The following STX18 variants were observed in gnomAD, a reference collection of about 807,000 sequenced individuals.
STX18 encodes syntaxin-18.
In STX18, 40 loss-of-function variants were observed where a neutral mutation model predicts 50.1. That is an observed-to-expected ratio of 0.80 (90% CI 0.62 to 1.04). STX18 has a LOEUF of 1.04. Among genes scored for constraint, STX18 ranks in the 50% least tolerant of loss-of-function variants. The pLI is 0.00. For synonymous variants in STX18, 158 were observed against 151.8 expected, an observed-to-expected ratio of 1.04 and a Z score of -0.30; for missense variants, 410 against 415.8, an observed-to-expected ratio of 0.99 and a Z score of 0.12.
At chr4:4,445,819 C>T (rs1264043799) in intron 5 of STX18, among the ~76,000 whole-genome samples, 1 of 152,032 alleles carries the variant, frequency 6.6e-6, no homozygotes. Context: ...TCTGAAGAAA[C>T]CGAAAAGCTG....
At chr4:4,439,073 C>T (rs573195162) in intron 5 of STX18, among the ~76,000 whole-genome samples, 15 of 149,696 alleles carry the variant, frequency 1.0e-4, no homozygotes, top group Admixed American at 4.6e-4. Context: ...TATACCCACA[C>T]ACATATATAC....
At chr4:4,458,545 G>T (rs1227374324) in intron 3 of STX18, among the ~76,000 whole-genome samples, 1 of 152,156 alleles carries the variant, frequency 6.6e-6, no homozygotes, top group Admixed American at 6.5e-5. Flanking sequence ...TGGCAGCTTT[G>T]AACTCTACTT....
At chr4:4,477,220 T>G (rs776344244) in intron 1 of STX18, among the ~76,000 whole-genome samples, 13 of 152,106 alleles carry the variant, frequency 8.5e-5, no homozygotes, top group Non-Finnish European at 1.6e-4. Context: ...TCCAGCCTGG[T>G]GACAGAGCGA....
intron 6 of STX18, among the ~76,000 whole-genome samples, chr4:4,435,882 G>A (rs1725749080): frequency 6.6e-6 from 1 of 152,190 alleles, no homozygotes; most frequent in Non-Finnish European, 1.5e-5. Flanking sequence ...ACGGTAAGAG[G>A]TCTGTGCAGT....
chr4:4,436,448 T>C (rs749180128), intron 6 of STX18, among the ~76,000 whole-genome samples: 9 of 151,686 alleles, frequency 5.9e-5, no homozygotes, highest in Non-Finnish European at 7.4e-5. Flanking sequence ...GTCCTCATTA[T>C]GGTATCCATT....
At chr4:4,438,586 G>T in intron 5 of STX18, 77 bp from the exon 6 acceptor site, 1 of 1,198,896 alleles carries the variant, frequency 8.3e-7, no homozygotes, top group South Asian at 1.3e-5. Context: ...GGAGTCACAT[G>T]TGACCCTGCG....
At chr4:4,486,323 T>C (rs1315409871) in intron 1 of STX18, among the ~76,000 whole-genome samples, 3 of 152,162 alleles carry the variant, frequency 2.0e-5, no homozygotes, top group Non-Finnish European at 2.9e-5. Context: ...CTGCAGAACT[T>C]TGGAAAGTCT....
chr4:4,448,655 TTGTC>T (rs1726569442), intron 5 of STX18, among the ~76,000 whole-genome samples: 1 of 152,188 alleles, frequency 6.6e-6, no homozygotes, highest in African/African-American at 2.4e-5. Flanking sequence ...TTTATCCTCT[TTGTC>T]TAAGTTTTCT....
At chr4:4,500,068 G>C (rs1729366689) in intron 1 of STX18, among the ~76,000 whole-genome samples, 2 of 151,398 alleles carry the variant, frequency 1.3e-5, no homozygotes, top group South Asian at 4.2e-4. Flanking sequence ...GATTTTTAGA[G>C]TTTTCTATCA....
intron 6 of STX18, among the ~76,000 whole-genome samples, chr4:4,435,342 C>A (rs1204201144): frequency 6.6e-6 from 1 of 152,082 alleles, no homozygotes; most frequent in East Asian, 1.9e-4. Context: ...ATTCCTCTCC[C>A]AGATGTTACT....
chr4:4,522,946 A>C (rs1238309837), intron 1 of STX18, among the ~76,000 whole-genome samples: 1 of 152,244 alleles, frequency 6.6e-6, no homozygotes, highest in African/African-American at 2.4e-5. Flanking sequence ...ATGTACAAAC[A>C]CATGTGTTTA....
intron 5 of STX18, among the ~76,000 whole-genome samples, chr4:4,444,647 C>T (rs1444668718): frequency 6.6e-6 from 1 of 152,196 alleles, no homozygotes; most frequent in Non-Finnish European, 1.5e-5. Flanking sequence ...AATCTGTATT[C>T]TTTCACTATA....
intron 5 of STX18, among the ~76,000 whole-genome samples, chr4:4,452,873 TG>T (rs908011918): frequency 1.3e-5 from 2 of 152,202 alleles, no homozygotes; most frequent in African/African-American, 2.4e-5. Context: ...AACAGGAGTT[TG>T]GAAGAAGTGG....
At chr4:4,536,504 C>G (rs906982062) in intron 1 of STX18, among the ~76,000 whole-genome samples, 1 of 152,184 alleles carries the variant, frequency 6.6e-6, no homozygotes, top group South Asian at 2.1e-4. Context: ...AACCAGAGAC[C>G]TGAGGAACTG....
At chr4:4,502,932 C>A (rs963483606) in intron 1 of STX18, among the ~76,000 whole-genome samples, 1 of 152,162 alleles carries the variant, frequency 6.6e-6, no homozygotes, top group African/African-American at 2.4e-5. Context: ...GCTGCGCTGT[C>A]CCGGATATAA....
chr4:4,458,696 C>A (rs1039196604), intron 3 of STX18, among the ~76,000 whole-genome samples: 9 of 152,198 alleles, frequency 5.9e-5, no homozygotes, highest in Non-Finnish European at 1.2e-4. Flanking sequence ...GTGCCAGACA[C>A]AGTTCTAAGC....
At chr4:4,458,936 G>A (rs1280181121) in intron 3 of STX18, among the ~76,000 whole-genome samples, 1 of 152,038 alleles carries the variant, frequency 6.6e-6, no homozygotes, top group Non-Finnish European at 1.5e-5. Context: ...TACAAGTAGA[G>A]CTTAAGTACC....
chr4:4,507,665 G>T (rs570167001), intron 1 of STX18: 283 of 800,236 alleles, frequency 3.5e-4, no homozygotes, highest in Admixed American at 1.8e-3. Context: ...GCTCATAAAG[G>T]TTCGTTTGGA....
intron 1 of STX18, among the ~76,000 whole-genome samples, chr4:4,509,248 G>T (rs888053848): frequency 1.3e-5 from 2 of 151,918 alleles, no homozygotes; most frequent in African/African-American, 2.4e-5. Context: ...TTTAGTAATC[G>T]CCATTCTAAC....
Sources: gnomAD v4.1 joint callset for allele counts (sites outside exome capture counted in the v4.1 genomes callset) on GRCh38, gnomAD v4.1.1 for gene constraint, MANE v1.5 for transcripts, NCBI Gene and HGNC (gene_info 2026-07-23, HGNC 2026-07-21) for gene names.